The following NCAPG2 variants were observed in gnomAD, a reference collection of about 807,000 sequenced individuals.
The protein encoded by NCAPG2 is non-SMC condensin II complex subunit G2.
NCAPG2 carries 53 observed loss-of-function variants against 141.1 expected under a neutral mutation model. The ratio of observed to expected loss-of-function variants is 0.38; its 90% confidence interval spans 0.30 to 0.47. The LOEUF is 0.47. NCAPG2 is among the 20% of genes least tolerant of loss of function. The pLI is 0.99. For synonymous variants in NCAPG2, 499 were observed against 490.7 expected (o/e 1.02, Z -0.22); for missense variants, 1,087 against 1,389.0 (o/e 0.78, Z 3.46).
chr7:158,647,113 T>C (rs917792440), intron 24 of NCAPG2, among the ~76,000 whole-genome samples: 1 of 152,198 alleles, frequency 6.6e-6, no homozygotes, highest in Non-Finnish European at 1.5e-5. Flanking sequence ...TCAATAAGTC[T>C]TTCATCAAAA....
chr7:158,631,795 A>C, intron 27 of NCAPG2, 78 bp from the exon 28 acceptor site: 1 of 1,194,514 alleles, frequency 8.4e-7, no homozygotes, highest in Non-Finnish European at 1.2e-6. Flanking sequence ...CAAAAATATA[A>C]TCTAAAAATG....
chr7:158,649,203 T>G (rs535788418), intron 24 of NCAPG2, among the ~76,000 whole-genome samples: 4 of 150,944 alleles, frequency 2.6e-5, no homozygotes, highest in African/African-American at 9.8e-5. Flanking sequence ...TACAAGAAAA[T>G]ACATGAAAAG....
Position 158,637,097 on chromosome 7 carries a change from G to A in NCAPG2, c.3381-5380C>T, listed in dbSNP as rs185226831. Among the ~76,000 whole-genome samples, 440 of 152,052 alleles carry A rather than the reference G, an allele frequency of 2.9e-3. 4 individuals carry two copies. The highest frequency in any genetic ancestry group is 5.8e-3 in the South Asian group (28 of 4,814). ...CGAGCAGCTGGGACTACAGGCGCCC[G>A]CCACCATGCCCGGCTAATTTTTTAT... On this transcript the variant is annotated intron_variant, in intron 27 of 27. Coordinates refer to ENST00000356309, the MANE Select transcript of NCAPG2 (RefSeq NM_017760.7).
chr7:158,653,328 C>G (rs1831625497), intron 22 of NCAPG2, among the ~76,000 whole-genome samples: 2 of 149,084 alleles, frequency 1.3e-5, no homozygotes, highest in Admixed American at 1.3e-4. Context: ...CCACTGCACT[C>G]CACTCCAGCC....
intron 27 of NCAPG2, among the ~76,000 whole-genome samples, chr7:158,643,926 TC>T (rs1830816681): frequency 1.3e-5 from 2 of 152,286 alleles, no homozygotes; most frequent in Middle Eastern, 3.4e-3. Flanking sequence ...GGACCGCACA[TC>T]CCCATGTGGG....
At chr7:158,631,958 T>C (rs1004735156) in intron 27 of NCAPG2, among the ~76,000 whole-genome samples, 3 of 152,218 alleles carry the variant, frequency 2.0e-5, no homozygotes, top group African/African-American at 7.2e-5. Flanking sequence ...CACCAAGCAC[T>C]GCCAGGCAAT....
intron 6 of NCAPG2, among the ~76,000 whole-genome samples, chr7:158,689,433 T>C (rs1453543034): frequency 6.6e-6 from 1 of 152,032 alleles, no homozygotes; most frequent in Non-Finnish European, 1.5e-5. Flanking sequence ...ATTTACAGGA[T>C]GGGTAGAAAA....
intron 27 of NCAPG2, among the ~76,000 whole-genome samples, chr7:158,632,663 G>T (rs975566892): frequency 6.6e-6 from 1 of 152,198 alleles, no homozygotes; most frequent in Non-Finnish European, 1.5e-5. Context: ...ACAGACTGCT[G>T]TCTACCACAG....
chr7:158,648,284 G>T (rs1831178173), intron 24 of NCAPG2, among the ~76,000 whole-genome samples: 1 of 151,652 alleles, frequency 6.6e-6, no homozygotes, highest in Non-Finnish European at 1.5e-5. Flanking sequence ...CATGCGTGCT[G>T]AGATCTCTAG....
intron 26 of NCAPG2, among the ~76,000 whole-genome samples, chr7:158,645,153 G>A (rs572848222): frequency 9.2e-5 from 14 of 152,226 alleles, no homozygotes; most frequent in African/African-American, 2.6e-4. Flanking sequence ...CAAAATATCC[G>A]TCATCAACCA....
intron 17 of NCAPG2, among the ~76,000 whole-genome samples, chr7:158,657,903 T>C (rs1339936198): frequency 1.3e-5 from 2 of 152,006 alleles, no homozygotes; most frequent in African/African-American, 4.8e-5. Flanking sequence ...CAGAGTTAAA[T>C]GGATTAAGGG....
chr7:158,634,563 A>C (rs1180327948), intron 27 of NCAPG2, among the ~76,000 whole-genome samples: 1 of 152,186 alleles, frequency 6.6e-6, no homozygotes, highest in East Asian at 1.9e-4. Context: ...GTTCTCATTT[A>C]CCAGGTAGTA....
chr7:158,679,045 G>A (rs1338716859), intron 11 of NCAPG2, among the ~76,000 whole-genome samples: 2 of 152,022 alleles, frequency 1.3e-5, no homozygotes, highest in African/African-American at 2.4e-5. Context: ...TTGTAGAGAC[G>A]AGGTCTCACT....
chr7:158,656,152 G>T, intron 19 of NCAPG2, 108 bp downstream of exon 19: 1 of 1,379,042 alleles, frequency 7.3e-7, no homozygotes, highest in Non-Finnish European at 9.9e-7. Flanking sequence ...TCTCAATTCT[G>T]TTCCAGCCAG....
chr7:158,689,876 T>G lies in NCAPG2; in HGVS notation c.615A>C (p.Glu205Asp). ...AGCACTCAAGTAACATATCTTTAAT[T>G]TCTCCACTTTCCTCCAAATCATAAT... ...CFDYDLEESG[E>D]IKDMLLECFI... is the part of the protein sequence containing the mutation. Residue 205 changes from glutamate to aspartate, a missense_variant, in exon 6 of 28, where the codon GAA (glutamate) becomes GAC (aspartate). Physicochemically the swap from Glu to Asp is conservative, Grantham distance 45. Transcript: ENST00000356309. The G allele has an allele frequency of 6.2e-7, 1 of 1,602,194 alleles. No homozygotes were observed. The highest frequency in any genetic ancestry group is 2.2e-5 in the East Asian group (1 of 44,628).
chr7:158,644,221 C>G, intron 27 of NCAPG2, 68 bp downstream of exon 27: 1 of 1,314,200 alleles, frequency 7.6e-7, no homozygotes, highest in Admixed American at 1.7e-5. Context: ...GAAAATACAA[C>G]CTCATGCAGA....
chr7:158,661,128 C>T (rs1014559678), intron 16 of NCAPG2, among the ~76,000 whole-genome samples: 13 of 152,070 alleles, frequency 8.5e-5, no homozygotes, highest in Non-Finnish European at 1.6e-4. Context: ...TCTGCTTTCA[C>T]GTCAGAGGCA....
chr7:158,697,302 T>C (rs545565878), intron 2 of NCAPG2, among the ~76,000 whole-genome samples: 1 of 152,302 alleles, frequency 6.6e-6, no homozygotes, highest in South Asian at 2.1e-4. Context: ...CAAAAAAGTT[T>C]AAAAAGTAAA....
intron 4 of NCAPG2, among the ~76,000 whole-genome samples, chr7:158,691,246 C>T (rs1289414776): frequency 6.6e-6 from 1 of 152,154 alleles, no homozygotes; most frequent in Non-Finnish European, 1.5e-5. Flanking sequence ...GATACTAATG[C>T]TCATAATTAT....
Sources: gnomAD v4.1 joint callset for allele counts (sites outside exome capture counted in the v4.1 genomes callset) on GRCh38, gnomAD v4.1.1 for gene constraint, MANE v1.5 for transcripts, NCBI Gene and HGNC (gene_info 2026-07-23, HGNC 2026-07-21) for gene names.